The following TTLL13 variants were observed in gnomAD, a reference collection of about 807,000 sequenced individuals.
TTLL13 encodes the protein tubulin polyglutamylase TTLL13.
At chr15:90,259,861 T>C in the TTLL13 span, among the ~76,000 whole-genome samples, 1 of 152,366 alleles carries the variant, frequency 6.6e-6, no homozygotes, top group Admixed American at 6.5e-5. Context: ...TGGTCACCGA[T>C]ACTAAAATTG....
chr15:90,255,556 GGGTA>G, the TTLL13 span, among the ~76,000 whole-genome samples: 1 of 152,016 alleles, frequency 6.6e-6, no homozygotes. Context: ...TGTGTGTGTT[GGGTA>G]GGAGTCACAG....
the TTLL13 span, among the ~76,000 whole-genome samples, chr15:90,259,342 T>C: frequency 1.3e-5 from 2 of 151,950 alleles, no homozygotes; most frequent in Non-Finnish European, 2.9e-5. Context: ...GTGAGCCATG[T>C]TTGCACCACT....
At chr15:90,261,611 C>G in the TTLL13 span, among the ~76,000 whole-genome samples, 9 of 151,856 alleles carry the variant, frequency 5.9e-5, no homozygotes, top group African/African-American at 2.2e-4. Flanking sequence ...GAAACCCTGT[C>G]TCTACTAAAA....
At chr15:90,253,890 TAA>T in the TTLL13 span, among the ~76,000 whole-genome samples, 1 of 152,172 alleles carries the variant, frequency 6.6e-6, no homozygotes, top group Non-Finnish European at 1.5e-5. Context: ...TAAAATAATT[TAA>T]AAGAGTCTGC....
At chr15:90,250,604 C>T in the TTLL13 span, 3 of 1,604,218 alleles carry the variant, frequency 1.9e-6, no homozygotes, top group African/African-American at 2.7e-5. Context: ...TTCATTCCCA[C>T]CCCGCAACCC....
the TTLL13 span, chr15:90,250,874 A>C: frequency 6.8e-6 from 11 of 1,613,756 alleles, no homozygotes; most frequent in Admixed American, 1.7e-4. Context: ...GAGGAAGAGA[A>C]GGCGGAAACG....
the TTLL13 span, chr15:90,262,331 C>A: frequency 8.7e-7 from 1 of 1,155,892 alleles, no homozygotes; most frequent in Non-Finnish European, 1.2e-6. Flanking sequence ...CTTAGTGACT[C>A]TTTTCAGTTT....
chr15:90,254,484 C>G, the TTLL13 span, among the ~76,000 whole-genome samples: 1 of 82,570 alleles, frequency 1.2e-5, no homozygotes, highest in Admixed American at 1.7e-4. Context: ...CAGAGTGAGA[C>G]TCCATCTAAA....
At chr15:90,251,107 G>T in the TTLL13 span, among the ~76,000 whole-genome samples, 3 of 118,110 alleles carry the variant, frequency 2.5e-5, no homozygotes, top group Admixed American at 9.7e-5. Flanking sequence ...ATGTCATCCT[G>T]GTCTGTCTTT....
At chr15:90,265,134 T>C in the TTLL13 span, 4 of 1,216,286 alleles carry the variant, frequency 3.3e-6, no homozygotes, top group Non-Finnish European at 4.4e-6. Context: ...AATTCCTCAA[T>C]ACCCTAAGAT....
the TTLL13 span, chr15:90,253,369 T>C: frequency 1.2e-6 from 2 of 1,609,118 alleles, no homozygotes; most frequent in Non-Finnish European, 1.7e-6. Flanking sequence ...AGGTTTCAGG[T>C]ACCCATCTCC....
the TTLL13 span, chr15:90,262,591 G>A: frequency 1.3e-6 from 2 of 1,534,626 alleles, no homozygotes; most frequent in African/African-American, 1.4e-5. Context: ...AATCAGCTGG[G>A]GAGAAAAGCC....
chr15:90,258,859 G>A, the TTLL13 span: 1 of 1,614,092 alleles, frequency 6.2e-7, no homozygotes, highest in Non-Finnish European at 8.5e-7. Flanking sequence ...AAAGGAAGGT[G>A]ATGGAGGAGG....
chr15:90,262,029 A>G, the TTLL13 span: 1 of 1,535,038 alleles, frequency 6.5e-7, no homozygotes, highest in Non-Finnish European at 8.7e-7. Context: ...GAGTCATCCC[A>G]TGTGGCAATG....
the TTLL13 span, chr15:90,265,409 AGCC>A: frequency 7.9e-7 from 1 of 1,268,010 alleles, no homozygotes; most frequent in South Asian, 1.8e-5. Flanking sequence ...AGGCCTGGGC[AGCC>A]GCTGGGGCGG....
the TTLL13 span, chr15:90,264,114 G>C: frequency 5.3e-6 from 6 of 1,141,832 alleles, no homozygotes; most frequent in Non-Finnish European, 7.5e-6. Context: ...CCACTAGCAA[G>C]CATAGAGCTT....
the TTLL13 span, among the ~76,000 whole-genome samples, chr15:90,255,565 T>A: frequency 4.0e-5 from 6 of 151,660 alleles, no homozygotes; most frequent in South Asian, 6.2e-4. Flanking sequence ...TGGGTAGGAG[T>A]CACAGAGGGT....
At chr15:90,250,026 C>T in the TTLL13 span, among the ~76,000 whole-genome samples, 3 of 151,312 alleles carry the variant, frequency 2.0e-5, no homozygotes, top group South Asian at 2.1e-4. Context: ...GGTGTGATCT[C>T]GGCTCACTGC....
chr15:90,263,135 A>G, the TTLL13 span: 2 of 1,525,806 alleles, frequency 1.3e-6, no homozygotes, highest in Non-Finnish European at 1.7e-6. Context: ...AAAAAACTTC[A>G]TGAGAGTCGG....
Sources: gnomAD v4.1 joint callset for allele counts (sites outside exome capture counted in the v4.1 genomes callset) on GRCh38, gnomAD v4.1.1 for gene constraint, MANE v1.5 for transcripts, NCBI Gene and HGNC (gene_info 2026-07-23, HGNC 2026-07-21) for gene names.